The following AAK1 variants were observed in gnomAD, a reference collection of about 807,000 sequenced individuals.
The protein encoded by AAK1 is AP2-associated protein kinase 1.
AAK1 carries 37 observed loss-of-function variants against 116.0 expected under a neutral mutation model. The ratio of observed to expected loss-of-function variants is 0.32; its 90% confidence interval spans 0.25 to 0.42. AAK1 has a LOEUF of 0.42. Ranked by LOEUF, AAK1 falls within the 10% of genes least tolerant of loss-of-function variation. The pLI is 1.00. For missense variants in AAK1, 919 were observed against 1,170.6 expected (o/e 0.79, Z 3.14); for synonymous variants, 458 against 439.9 (o/e 1.04, Z -0.51).
Position 69,470,874 on chromosome 2 carries a change from A to T in AAK1, c.*4995T>A. On this transcript the variant is annotated 3_prime_UTR_variant, in exon 22 of 22. Coordinates refer to ENST00000409085, the MANE Select transcript of AAK1 (RefSeq NM_014911.5). ...AAAAAAGTGGGTTTTCAGCTCAGGA[A>T]AAGAGCAACTTATTTTAAGTTATTT... is the stretch of plus-strand genomic sequence containing the variant. 1.0e-6 allele frequency: 1 copy of T among 985,880 alleles called. No individual in the cohort carries two copies. The highest frequency in any genetic ancestry group is 1.2e-6 in the Non-Finnish European group (1 of 829,934). 61.1% of individuals were successfully genotyped at this position (985,880 alleles called of 1,614,324 possible).
chr2:69,496,108 A>G, intron 16 of AAK1, 28 bp from the exon 17 acceptor site: 3 of 1,509,468 alleles, frequency 2.0e-6, no homozygotes, highest in Non-Finnish European at 2.7e-6. Context: ...GGGAAGGAGG[A>G]GTCAGGAGAG....
intron 2 of AAK1, among the ~76,000 whole-genome samples, chr2:69,582,914 A>AC (rs1467288129): frequency 6.6e-6 from 1 of 152,122 alleles, no homozygotes; most frequent in Non-Finnish European, 1.5e-5. Flanking sequence ...GCCCCATATT[A>AC]CCCCTACAGG....
intron 2 of AAK1, among the ~76,000 whole-genome samples, chr2:69,621,269 A>G (rs924982655): frequency 6.6e-6 from 1 of 152,216 alleles, no homozygotes; most frequent in Non-Finnish European, 1.5e-5. Flanking sequence ...TGAGGTCGGG[A>G]GTTCGAGACC....
chr2:69,468,190 G>A lies in AAK1; in HGVS notation c.*7679C>T. ...CATGGTGATACGAAAGCATCAGTCA[G>A]TGGACAGGAAATAAACAGAATACCT... On this transcript the variant is annotated 3_prime_UTR_variant, in exon 22 of 22. Coordinates refer to ENST00000409085, the MANE Select transcript of AAK1 (RefSeq NM_014911.5). The A allele has an allele frequency of 1.0e-6, 1 of 985,416 alleles. No homozygotes were observed. Among genetic ancestry groups the A allele is most frequent in the Non-Finnish European group, 1.2e-6 (1 of 829,922 alleles). The allele number at this position is 985,416 out of a possible 1,614,324, so 61.0% of individuals were successfully genotyped here. A position where few individuals can be genotyped will look rare whatever the true frequency, so the allele number is the denominator to read the frequency against.
intron 2 of AAK1, among the ~76,000 whole-genome samples, chr2:69,578,418 C>A (rs899181614): frequency 6.6e-6 from 1 of 152,170 alleles, no homozygotes; most frequent in Non-Finnish European, 1.5e-5. Context: ...GCAATGAGAT[C>A]CTGCTTGCAG....
intron 2 of AAK1, among the ~76,000 whole-genome samples, chr2:69,599,944 ATTTT>A (rs57552852): frequency 7.2e-6 from 1 of 138,360 alleles, no homozygotes. Context: ...TATCCAGCTA[ATTTT>A]TTTTTTTTTT....
At chr2:69,483,683 C>T (rs1290126936) in intron 17 of AAK1, among the ~76,000 whole-genome samples, 3 of 152,114 alleles carry the variant, frequency 2.0e-5, no homozygotes, top group Non-Finnish European at 2.9e-5. Flanking sequence ...CTGACTTCAA[C>T]GATCATTTAT....
chr2:69,545,794 G>A (rs13392853), intron 3 of AAK1, among the ~76,000 whole-genome samples: 6,617 of 152,224 alleles, frequency 0.043, 498 homozygotes, highest in African/African-American at 0.15. Context: ...GGAGACTTAC[G>A]TGAGAGTAGT....
chr2:69,574,238 G>T (rs1402185559), intron 2 of AAK1, among the ~76,000 whole-genome samples: 1 of 151,796 alleles, frequency 6.6e-6, no homozygotes, highest in African/African-American at 2.4e-5. Context: ...GGGTATAGTG[G>T]TGCACACCTG....
At chr2:69,534,664 C>T (rs909366772) in intron 5 of AAK1, among the ~76,000 whole-genome samples, 25 of 152,260 alleles carry the variant, frequency 1.6e-4, no homozygotes, top group Admixed American at 1.4e-3. Context: ...AACTTACTGT[C>T]AATAGCAGAG....
chr2:69,479,566 G>C (rs1470942503), intron 19 of AAK1, among the ~76,000 whole-genome samples: 2 of 152,146 alleles, frequency 1.3e-5, no homozygotes, highest in Non-Finnish European at 2.9e-5. Flanking sequence ...AGTTACTATA[G>C]GACAAAGTAT....
At position 69,473,841 on chromosome 2, in the gene AAK1, T is replaced by C. The variant is rs1327863073; in HGVS notation, c.*2028A>G. 10 of 985,740 alleles carry C rather than the reference T, an allele frequency of 1.0e-5. No homozygotes were observed. The Admixed American group carries it at 6.1e-4, about 61-fold the overall frequency. The allele number at this position is 985,740 out of a possible 1,614,324, so 61.1% of individuals were successfully genotyped here. A position where few individuals can be genotyped will look rare whatever the true frequency, so the allele number is the denominator to read the frequency against. On this transcript the variant is annotated 3_prime_UTR_variant, in exon 22 of 22. Transcript: ENST00000409085. ...TTCTTTCTATGTCCAGGAAAGAGAA[T>C]ACAATTCTGACCTGCAGCAATTTTC...
At chr2:69,638,817 A>G (rs760457309) in intron 2 of AAK1, among the ~76,000 whole-genome samples, 3 of 152,098 alleles carry the variant, frequency 2.0e-5, no homozygotes, top group Non-Finnish European at 4.4e-5. Context: ...AACATCTTTT[A>G]CCATCTAAGG....
chr2:69,575,899 GTTCATGGAAGAC>G (rs925552450), intron 2 of AAK1, among the ~76,000 whole-genome samples: 26 of 152,126 alleles, frequency 1.7e-4, no homozygotes, highest in African/African-American at 6.3e-4. Context: ...CTGATACTTT[GTTCATGGAAGAC>G]TTTTTGCATT....
In AAK1 at chr2:69,520,846, GT is replaced by G; in HGVS notation, c.1197del (p.Pro400LeufsTer13). 1 of 1,558,714 alleles carries G rather than the reference GT, an allele frequency of 6.4e-7. No individual in the cohort carries two copies. Among genetic ancestry groups the G allele is most frequent in the Non-Finnish European group, 8.6e-7 (1 of 1,158,126 alleles). On this transcript the variant is annotated frameshift_variant, in exon 11 of 22. Coordinates refer to ENST00000409085, the MANE Select transcript of AAK1 (RefSeq NM_014911.5). LOFTEE classifies it high-confidence loss of function. ...TPRKRATVQP[P>X]PQAAGSSNQP... ...TCTAGATACAAACCTGCAGCCTGAG[GT>G]GGGGGCTGAACAGTGGCCCTCTTCC...
chr2:69,604,298 C>T (rs1419088796), intron 2 of AAK1, among the ~76,000 whole-genome samples: 1 of 152,130 alleles, frequency 6.6e-6, no homozygotes, highest in East Asian at 1.9e-4. Context: ...GCTTATCTTT[C>T]GTGTTGTCAT....
Position 69,467,635 on chromosome 2 carries a change from C to T in AAK1, c.*8234G>A. On this transcript the variant is annotated 3_prime_UTR_variant, in exon 22 of 22. Coordinates refer to ENST00000409085, the MANE Select transcript of AAK1 (RefSeq NM_014911.5). ...ACAATGATTTGGAGCCATAGATGAC[C>T]CAGAACCTCTGTAGAGATGGAACTC... 3.0e-6 allele frequency: 3 copies of T among 985,330 alleles called. No homozygotes were observed. The highest frequency in any genetic ancestry group is 3.6e-6 in the Non-Finnish European group (3 of 829,906). The allele number at this position is 985,330 out of a possible 1,614,324, so 61.0% of individuals were successfully genotyped here. A position where few individuals can be genotyped will look rare whatever the true frequency, so the allele number is the denominator to read the frequency against.
intron 2 of AAK1, among the ~76,000 whole-genome samples, chr2:69,629,623 TAGGGATAAATA>T (rs1369473472): frequency 2.6e-5 from 4 of 152,212 alleles, no homozygotes; most frequent in Admixed American, 2.6e-4. Flanking sequence ...ACGATTGGAA[TAGGGATAAATA>T]AGGGAGGTTT....
Position 69,475,468 on chromosome 2 carries a change from C to T in AAK1, c.*401G>A, listed in dbSNP as rs951770638. ...TTCATCAGCATCTGGCCAAAGGAGACGGGGGTTGGGAGAATTGATCTGGGA... is the reference window on the plus strand; with the variant it reads ...TTCATCAGCATCTGGCCAAAGGAGATGGGGGTTGGGAGAATTGATCTGGGA... On this transcript the variant is annotated 3_prime_UTR_variant, in exon 22 of 22. Coordinates refer to ENST00000409085, the MANE Select transcript of AAK1 (RefSeq NM_014911.5). The T allele has an allele frequency of 5.9e-6, 6 of 1,013,398 alleles. No homozygotes were observed. The highest frequency in any genetic ancestry group is 9.6e-5 in the East Asian group (1 of 10,456). 62.8% of individuals were successfully genotyped at this position (1,013,398 alleles called of 1,614,324 possible).
Sources: allele counts gnomAD v4.1 joint callset (sites outside exome capture counted in the v4.1 genomes callset), GRCh38; gene constraint gnomAD v4.1.1; transcripts MANE v1.5; gene names NCBI Gene and HGNC (gene_info 2026-07-23, HGNC 2026-07-21).